Variants in CYSLTR2 observed in about 807,000 individuals in gnomAD.
CYSLTR2 encodes G-protein coupled receptor GPCR21.
For missense variants in CYSLTR2, 398 were observed against 411.9 expected (o/e 0.97, Z 0.29); for synonymous variants, 179 against 160.8 (o/e 1.11, Z -0.86).
intron 1 of CYSLTR2, among the ~76,000 whole-genome samples, chr13:48,688,441 T>A (rs1219813410): frequency 1.3e-5 from 2 of 152,188 alleles, no homozygotes; most frequent in East Asian, 3.8e-4. Context: ...TGATGTGTGA[T>A]GTTCCCCTCC....
intron 4 of CYSLTR2, among the ~76,000 whole-genome samples, chr13:48,702,251 C>T (rs1376196131): frequency 1.9e-5 from 2 of 107,382 alleles, no homozygotes; most frequent in Admixed American, 1.4e-4. Context: ...CACACACCGG[C>T]GTCTGTCATG....
At chr13:48,660,276 T>G (rs1355099261) in intron 1 of CYSLTR2, among the ~76,000 whole-genome samples, 1 of 152,220 alleles carries the variant, frequency 6.6e-6, no homozygotes. Context: ...TTTCAATCCC[T>G]GCTACATCCC....
intron 1 of CYSLTR2, among the ~76,000 whole-genome samples, chr13:48,675,399 G>A (rs1452720773): frequency 6.6e-6 from 1 of 152,126 alleles, no homozygotes; most frequent in Non-Finnish European, 1.5e-5. Flanking sequence ...GCTATGGTGG[G>A]CTCTGCCAGT....
At chr13:48,663,173 G>C (rs1327238617) in intron 1 of CYSLTR2, among the ~76,000 whole-genome samples, 2 of 149,636 alleles carry the variant, frequency 1.3e-5, no homozygotes, top group African/African-American at 2.5e-5. Flanking sequence ...ATTAATTTCT[G>C]GATTCTCTAT....
chr13:48,684,971 A>G (rs548767427), intron 1 of CYSLTR2, among the ~76,000 whole-genome samples: 57 of 152,250 alleles, frequency 3.7e-4, no homozygotes, highest in Non-Finnish European at 7.1e-4. Context: ...ACCTGAAGCT[A>G]GAAGAGACAA....
intron 1 of CYSLTR2, among the ~76,000 whole-genome samples, chr13:48,664,119 A>T (rs1953199332): frequency 6.6e-6 from 1 of 152,048 alleles, no homozygotes; most frequent in African/African-American, 2.4e-5. Context: ...GATGTGATGT[A>T]TGATGTTTAT....
At chr13:48,658,380 C>G (rs999663352) in intron 1 of CYSLTR2, among the ~76,000 whole-genome samples, 1 of 152,148 alleles carries the variant, frequency 6.6e-6, no homozygotes, top group African/African-American at 2.4e-5. Flanking sequence ...TTTCCCGCCC[C>G]CCAAAAAGAT....
chr13:48,694,871 G>A (rs2138955394), intron 3 of CYSLTR2: 1 of 152,202 alleles, frequency 6.6e-6, no homozygotes, highest in East Asian at 1.9e-4. Context: ...CTAAACACAA[G>A]CACCACTGAG....
In CYSLTR2 at chr13:48,707,334, C is replaced by T. The variant is rs1954525282; in HGVS notation, c.517C>T (p.Leu173Phe). The T allele has an allele frequency of 8.1e-6, 13 of 1,614,036 alleles. No individual in the cohort carries two copies. The African/African-American group carries it at 1.5e-4, about 18-fold the overall frequency. The change falls in exon 5 of 5, where the codon CTC (leucine) becomes TTC (phenylalanine). Residue 173 changes from leucine (L) to phenylalanine (F), a missense_variant. Leu to Phe is a conservative substitution (Grantham distance 22, BLOSUM62 0). Transcript: ENST00000682523. ...CCTTATCATGGCTTCCTCAATAATG[C>T]TCCTGGACAGTGGCTCTGAGCAGAA... ...WILIMASSIM[L>F]LDSGSEQNGS...
intron 4 of CYSLTR2, among the ~76,000 whole-genome samples, chr13:48,703,241 A>G (rs1485260585): frequency 2.0e-5 from 3 of 152,078 alleles, no homozygotes; most frequent in African/African-American, 7.2e-5. Context: ...TTTCTATGTA[A>G]CTATGTCATC....
intron 4 of CYSLTR2, among the ~76,000 whole-genome samples, chr13:48,700,117 T>C (rs1566104508): frequency 6.6e-6 from 1 of 152,220 alleles, no homozygotes; most frequent in Non-Finnish European, 1.5e-5. Flanking sequence ...CCATTCCTTC[T>C]GAAACTATTC....
chr13:48,687,239 A>G lies in CYSLTR2; in HGVS notation c.-265-3973A>G, dbSNP rs140305583. ...CAAACAGGGACTGAGCCACACTGTT[A>G]GCATTCCAGGGTCTCTATCTTGCCG... is the stretch of plus-strand genomic sequence containing the variant. On this transcript the variant is annotated intron_variant, in intron 1 of 4. Coordinates refer to ENST00000682523, the MANE Select transcript of CYSLTR2 (RefSeq NM_001308476.3). Among the ~76,000 whole-genome samples the G allele has an allele frequency of 4.5e-3, 682 of 152,210 alleles. 3 individuals are homozygous for G. The highest frequency in any genetic ancestry group is 7.7e-3 in the Non-Finnish European group (525 of 68,002).
chr13:48,679,159 G>A (rs551045580), intron 1 of CYSLTR2, among the ~76,000 whole-genome samples: 1 of 151,878 alleles, frequency 6.6e-6, no homozygotes, highest in South Asian at 2.1e-4. Context: ...TCTCAACTTG[G>A]GGCCTTTGTA....
At chr13:48,685,324 T>A (rs1286079934) in intron 1 of CYSLTR2, among the ~76,000 whole-genome samples, 1 of 152,126 alleles carries the variant, frequency 6.6e-6, no homozygotes, top group African/African-American at 2.4e-5. Flanking sequence ...GAGGGGACGG[T>A]GCTAAACCAA....
Position 48,670,996 on chromosome 13 carries a change from C to T in CYSLTR2, c.-266+16979C>T, listed in dbSNP as rs1265077436. On this transcript the variant is annotated intron_variant, in intron 1 of 4. Coordinates refer to ENST00000682523, the MANE Select transcript of CYSLTR2 (RefSeq NM_001308476.3). ...TTCTCCTTGAGGAGGTCTTTCACAT[C>T]TCTTGTAAGTTGTATTCCTAGGTAT... Among the ~76,000 whole-genome samples, 6 of 152,252 alleles carry T rather than the reference C, an allele frequency of 3.9e-5. No individual in the cohort carries two copies. In the East Asian group the frequency reaches 9.6e-4, roughly 24 times the overall value.
chr13:48,690,007 C>T (rs928856964), intron 1 of CYSLTR2, among the ~76,000 whole-genome samples: 1 of 152,050 alleles, frequency 6.6e-6, no homozygotes, highest in Non-Finnish European at 1.5e-5. Flanking sequence ...ATTTTATTCT[C>T]TTTGTAGCAA....
chr13:48,679,561 T>C (rs1953694238), intron 1 of CYSLTR2, among the ~76,000 whole-genome samples: 1 of 152,222 alleles, frequency 6.6e-6, no homozygotes, highest in South Asian at 2.1e-4. Flanking sequence ...ACTTTGGTCT[T>C]CTTATCTATA....
intron 1 of CYSLTR2, among the ~76,000 whole-genome samples, chr13:48,688,267 T>C (rs1953947195): frequency 6.6e-6 from 1 of 152,138 alleles, no homozygotes; most frequent in African/African-American, 2.4e-5. Flanking sequence ...TACCTCTTCT[T>C]CTTTTTTTTT....
intron 1 of CYSLTR2, among the ~76,000 whole-genome samples, chr13:48,673,220 C>A (rs918435754): frequency 6.6e-6 from 1 of 152,024 alleles, no homozygotes; most frequent in Non-Finnish European, 1.5e-5. Context: ...AAGTCTCCCA[C>A]TATTATTGTG....
Sources: gnomAD v4.1 joint callset for allele counts (sites outside exome capture counted in the v4.1 genomes callset) on GRCh38, gnomAD v4.1.1 for gene constraint, MANE v1.5 for transcripts, NCBI Gene and HGNC (gene_info 2026-07-23, HGNC 2026-07-21) for gene names.